Variants in DNM2 observed in about 807,000 individuals in gnomAD.
DNM2 encodes dynamin 2, also known as dynamin-2.
A neutral mutation model predicts 99.0 loss-of-function variants in DNM2; 15 were observed. The ratio of observed to expected loss-of-function variants is 0.15; its 90% CI spans 0.10 to 0.23. DNM2 has a LOEUF of 0.23. Among genes scored for constraint, DNM2 ranks in the 10% least tolerant of loss-of-function variants. The pLI, the probability that DNM2 is intolerant of heterozygous loss-of-function variation, is 1.00. For missense variants in DNM2, 742 were observed against 1,189.4 expected (o/e 0.62, Z 5.53); for synonymous variants, 525 against 481.2 (o/e 1.09, Z -1.19).
chr19:10,762,673 C>T (rs80183620), intron 2 of DNM2, among the ~76,000 whole-genome samples: 6,080 of 152,296 alleles, frequency 0.04, 131 homozygotes, highest in South Asian at 0.069. Context: ...CCCCACCTTA[C>T]AGAGGAGGGA....
chr19:10,761,016 G>A (rs1029487547), intron 2 of DNM2, among the ~76,000 whole-genome samples: 2 of 151,534 alleles, frequency 1.3e-5, no homozygotes, highest in African/African-American at 4.9e-5. Context: ...TTGAGACAAA[G>A]TCTTGCTCTG....
chr19:10,749,365 C>T (rs545455934), intron 1 of DNM2, among the ~76,000 whole-genome samples: 11 of 152,348 alleles, frequency 7.2e-5, no homozygotes, highest in African/African-American at 2.6e-4. Context: ...TCTCCCATCG[C>T]TGCTGGGTGC....
At chr19:10,727,542 A>T (rs1226807320) in intron 1 of DNM2, among the ~76,000 whole-genome samples, 1 of 151,810 alleles carries the variant, frequency 6.6e-6, no homozygotes, top group East Asian at 1.9e-4. Context: ...ATTTTAAGAA[A>T]TTTTTTGTAG....
At chr19:10,781,851 C>T (rs1212793012) in intron 5 of DNM2, 3 of 152,008 alleles carry the variant, frequency 2.0e-5, no homozygotes, top group Non-Finnish European at 4.4e-5. Context: ...TCCAGCTTTT[C>T]TCCCCCATAT....
intron 1 of DNM2, among the ~76,000 whole-genome samples, chr19:10,721,694 C>A (rs2068946508): frequency 6.6e-6 from 1 of 152,170 alleles, no homozygotes; most frequent in Non-Finnish European, 1.5e-5. Flanking sequence ...CAGGTGTGAG[C>A]CATTGCGCCG....
chr19:10,821,512 G>A (rs572858363), intron 16 of DNM2, among the ~76,000 whole-genome samples: 5 of 152,184 alleles, frequency 3.3e-5, no homozygotes, highest in South Asian at 2.1e-4. Flanking sequence ...GAGCTCTGCG[G>A]TGGGACAGGC....
intron 7 of DNM2, among the ~76,000 whole-genome samples, chr19:10,789,426 G>T (rs1200766517): frequency 6.6e-6 from 1 of 151,910 alleles, no homozygotes; most frequent in African/African-American, 2.4e-5. Context: ...AGATTACAAG[G>T]TGCCTGTAAT....
chr19:10,790,526 G>T (rs948603783), intron 7 of DNM2, among the ~76,000 whole-genome samples: 7 of 151,974 alleles, frequency 4.6e-5, no homozygotes, highest in Non-Finnish European at 7.4e-5. Flanking sequence ...AGGCTGAAGC[G>T]CAGTGGCATG....
intron 6 of DNM2, among the ~76,000 whole-genome samples, chr19:10,784,819 ATTT>A (rs35575438): frequency 2.0e-5 from 2 of 99,438 alleles, no homozygotes; most frequent in Non-Finnish European, 3.7e-5. Context: ...TTTTTTGATG[ATTT>A]TTTTTTTTTT....
Position 10,817,405 on chromosome 19 carries a change from C to G in DNM2, c.1672-2575C>G, listed in dbSNP as rs1005039. 1 of 496,806 alleles carries G rather than the reference C, an allele frequency of 2.0e-6. No homozygotes were observed. Among genetic ancestry groups the G allele is most frequent in the Non-Finnish European group, 4.1e-6 (1 of 242,110 alleles). 30.8% of individuals were successfully genotyped at this position (496,806 alleles called of 1,614,324 possible). On this transcript the variant is annotated intron_variant, in intron 15 of 20. Transcript: ENST00000389253. This position sits in a 1 kb window ranked among gnomAD's most constrained non-coding sequence, Gnocchi z 4.6. ...GGCGAGTTTGGGGGGCCTGTCTCGA[C>G]GAGCCGCTCACCCAAGCCCAGCCTA... is the stretch of plus-strand genomic sequence containing the variant.
intron 1 of DNM2, among the ~76,000 whole-genome samples, chr19:10,724,673 G>A (rs2069055355): frequency 6.6e-6 from 1 of 152,144 alleles, no homozygotes; most frequent in Non-Finnish European, 1.5e-5. Flanking sequence ...AGGCCTCTAG[G>A]AACATTGTGG....
At chr19:10,756,753 C>T (rs1165928237) in intron 1 of DNM2, among the ~76,000 whole-genome samples, 1 of 152,116 alleles carries the variant, frequency 6.6e-6, no homozygotes, top group Non-Finnish European at 1.5e-5. Flanking sequence ...TCCTCCCACT[C>T]TCTGGCTCTT....
chr19:10,804,574 G>A (rs1394051346), intron 12 of DNM2, among the ~76,000 whole-genome samples: 1 of 152,090 alleles, frequency 6.6e-6, no homozygotes, highest in African/African-American at 2.4e-5. Context: ...CGTAATCTCA[G>A]CTACTTAGGA....
At chr19:10,778,122 CCTCCCAGGTTCATGCCATT>C (rs1445902265) in intron 5 of DNM2, among the ~76,000 whole-genome samples, 1 of 151,132 alleles carries the variant, frequency 6.6e-6, no homozygotes, top group Non-Finnish European at 1.5e-5. Flanking sequence ...GCAACCTCCA[CCTCCCAGGTTCATGCCATT>C]CTCCTGCCTC....
chr19:10,767,298 C>G (rs2070830388), intron 2 of DNM2, among the ~76,000 whole-genome samples: 1 of 152,012 alleles, frequency 6.6e-6, no homozygotes, highest in Non-Finnish European at 1.5e-5. Flanking sequence ...GCCCTCCACT[C>G]TATTTCTCTT....
chr19:10,749,127 G>A lies in DNM2; in HGVS notation c.162-10611G>A, dbSNP rs143712536. Among the ~76,000 whole-genome samples, 1,371 of 152,282 alleles carry A rather than the reference G, an allele frequency of 9.0e-3. 11 individuals are homozygous for A. The highest frequency in any genetic ancestry group is 0.015 in the Non-Finnish European group (1,042 of 67,998). On this transcript the variant is annotated intron_variant, in intron 1 of 20. Coordinates refer to ENST00000389253, the MANE Select transcript of DNM2 (RefSeq NM_001005361.3). ...ACAGGTGAGGGGTGGCTTGCCCTGG[G>A]GTGCTGGCTCTGGGCCACACTGCTG... is the stretch of plus-strand genomic sequence containing the variant.
At chr19:10,746,709 C>T (rs1192054213) in intron 1 of DNM2, among the ~76,000 whole-genome samples, 6 of 146,798 alleles carry the variant, frequency 4.1e-5, no homozygotes, top group Admixed American at 3.5e-4. Context: ...TGTGAGCAAC[C>T]GTGCCGGCTT....
At position 10,831,556 on chromosome 19, in the gene DNM2, A is replaced by C; in HGVS notation, c.*509A>C. The stretch of plus-strand genomic sequence containing the variant: ...CCCAGCTGGCAGGCCTGAGGTGTAC[A>C]TAGTCCTTCCCGGCCATATTAACCA... On this transcript the variant is annotated 3_prime_UTR_variant, in exon 21 of 21. Coordinates refer to ENST00000389253, the MANE Select transcript of DNM2 (RefSeq NM_001005361.3). The surrounding 1 kb of genome is among the most constrained non-coding windows in gnomAD (Gnocchi z 4.3). 1 of 986,252 alleles carries C rather than the reference A, an allele frequency of 1.0e-6. No homozygotes were observed. The highest frequency in any genetic ancestry group is 1.2e-6 in the Non-Finnish European group (1 of 830,240). 61.1% of individuals were successfully genotyped at this position (986,252 alleles called of 1,614,324 possible).
Position 10,812,000 on chromosome 19 carries a change from C to T in DNM2, c.1558-264C>T. 1 of 491,372 alleles carries T rather than the reference C, an allele frequency of 2.0e-6. No homozygotes were observed. The highest frequency in any genetic ancestry group is 1.5e-5 in the South Asian group (1 of 64,854). The allele number at this position is 491,372 out of a possible 1,614,324, so 30.4% of individuals were successfully genotyped here. A position where few individuals can be genotyped will look rare whatever the true frequency, so the allele number is the denominator to read the frequency against. ...GGGACTCCTCCCATGGGCCCCTTTC[C>T]ATCAGGCCTCTGTGAGTCTATACCC... is the stretch of plus-strand genomic sequence containing the variant. On this transcript the variant is annotated intron_variant, in intron 14 of 20. Coordinates refer to ENST00000389253, the MANE Select transcript of DNM2 (RefSeq NM_001005361.3). This position sits in a 1 kb window ranked among gnomAD's most constrained non-coding sequence, Gnocchi z 5.4.
Sources: allele counts gnomAD v4.1 joint callset (sites outside exome capture counted in the v4.1 genomes callset), GRCh38; gene constraint gnomAD v4.1.1; non-coding constraint Gnocchi (gnomAD v3.1); transcripts MANE v1.5; gene names NCBI Gene and HGNC (gene_info 2026-07-23, HGNC 2026-07-21).